The following XKR4 variants were observed in gnomAD, a reference collection of about 807,000 sequenced individuals.
XKR4 encodes the protein XK related 4, also known as XK-related protein 4.
XKR4 carries 12 observed loss-of-function variants against 53.9 expected under a neutral mutation model. The ratio of observed to expected loss-of-function variants is 0.22; its 90% confidence interval spans 0.14 to 0.36. The LOEUF is 0.36. XKR4 is among the 10% of genes least tolerant of loss of function. The pLI, the probability that XKR4 is intolerant of heterozygous loss-of-function variation, is 1.00. For synonymous variants in XKR4, 354 were observed against 362.4 expected (o/e 0.98, Z 0.26); for missense variants, 799 against 859.5 (o/e 0.93, Z 0.88).
intron 1 of XKR4, among the ~76,000 whole-genome samples, chr8:55,194,131 C>T (rs565773445): frequency 1.3e-4 from 20 of 152,288 alleles, no homozygotes; most frequent in African/African-American, 4.6e-4. Flanking sequence ...TAACTAAATG[C>T]CAGGTTGGAT....
At chr8:55,272,079 G>A (rs919600384) in intron 1 of XKR4, among the ~76,000 whole-genome samples, 1 of 152,178 alleles carries the variant, frequency 6.6e-6, no homozygotes, top group Non-Finnish European at 1.5e-5. Context: ...GTGGATGGTG[G>A]AGAGTTGGGT....
chr8:55,185,135 T>C (rs1273519880), intron 1 of XKR4, among the ~76,000 whole-genome samples: 1 of 152,234 alleles, frequency 6.6e-6, no homozygotes, highest in African/African-American at 2.4e-5. Context: ...AATTTATTTT[T>C]TAATAGCTTG....
chr8:55,430,812 T>C (rs1284342725), intron 2 of XKR4, among the ~76,000 whole-genome samples: 1 of 152,226 alleles, frequency 6.6e-6, no homozygotes, highest in East Asian at 1.9e-4. Flanking sequence ...TCTTCACATG[T>C]CTTCATTCTG....
chr8:55,142,323 G>C (rs1816717395), intron 1 of XKR4: 1 of 371,656 alleles, frequency 2.7e-6, no homozygotes, highest in South Asian at 2.0e-5. Context: ...CAGAGTACTG[G>C]CTGCCTGCCC....
chr8:55,389,053 A>G (rs1463827305), intron 2 of XKR4, among the ~76,000 whole-genome samples: 5 of 152,194 alleles, frequency 3.3e-5, no homozygotes, highest in East Asian at 3.9e-4. Flanking sequence ...AAAAGGGGCA[A>G]TTTGGACACA....
chr8:55,252,671 C>T (rs983523069), intron 1 of XKR4, among the ~76,000 whole-genome samples: 2 of 152,178 alleles, frequency 1.3e-5, no homozygotes, highest in African/African-American at 2.4e-5. Flanking sequence ...TACACTGCCT[C>T]GATGGCCATA....
chr8:55,259,613 G>A (rs763068112), intron 1 of XKR4, among the ~76,000 whole-genome samples: 1 of 152,112 alleles, frequency 6.6e-6, no homozygotes, highest in East Asian at 1.9e-4. Context: ...GTGCGTGAGG[G>A]TGAAGCACAT....
intron 1 of XKR4, among the ~76,000 whole-genome samples, chr8:55,151,372 A>G (rs933917322): frequency 3.5e-4 from 54 of 152,202 alleles, no homozygotes; most frequent in African/African-American, 1.3e-3. Context: ...TCTATCACCA[A>G]CTTCATCTGA....
intron 1 of XKR4, among the ~76,000 whole-genome samples, chr8:55,333,101 T>C (rs1803404501): frequency 6.6e-6 from 1 of 152,164 alleles, no homozygotes; most frequent in Non-Finnish European, 1.5e-5. Flanking sequence ...GATATTCTAA[T>C]TTTGTTGATA....
At chr8:55,194,086 C>T (rs1585930724) in intron 1 of XKR4, among the ~76,000 whole-genome samples, 1 of 152,310 alleles carries the variant, frequency 6.6e-6, no homozygotes, top group East Asian at 1.9e-4. Context: ...TCAGGGCCTG[C>T]TCCATCAGTG....
chr8:55,528,602 T>A lies in XKR4; in HGVS notation c.*4375T>A, dbSNP rs565242857. ...CTGCATTTTTATGTGCTAAGGAGAATTCCTTAAAGCCTTTTTAAAAATAGC... is the reference window on the plus strand; with the variant it reads ...CTGCATTTTTATGTGCTAAGGAGAAATCCTTAAAGCCTTTTTAAAAATAGC... On this transcript the variant is annotated 3_prime_UTR_variant, in exon 3 of 3. Coordinates refer to ENST00000327381, the MANE Select transcript of XKR4 (RefSeq NM_052898.2). 1 of 152,318 alleles carries A rather than the reference T, an allele frequency of 6.6e-6. No individual in the cohort carries two copies. The highest frequency in any genetic ancestry group is 1.9e-4 in the East Asian group (1 of 5,190). 9.4% of individuals were successfully genotyped at this position (152,318 alleles called of 1,614,324 possible). A position where few individuals can be genotyped will look rare whatever the true frequency, so the allele number is the denominator to read the frequency against.
intron 1 of XKR4, among the ~76,000 whole-genome samples, chr8:55,182,463 AT>A (rs1817324039): frequency 6.6e-6 from 1 of 152,094 alleles, no homozygotes; most frequent in African/African-American, 2.4e-5. Flanking sequence ...TATAATCTTT[AT>A]TGTTAGTGTT....
intron 2 of XKR4, among the ~76,000 whole-genome samples, chr8:55,474,122 G>T (rs986388051): frequency 6.6e-6 from 1 of 151,950 alleles, no homozygotes; most frequent in African/African-American, 2.4e-5. Context: ...TGTTACCCAG[G>T]CTGGTCTTGA....
chr8:55,174,961 A>C (rs1234615622), intron 1 of XKR4, among the ~76,000 whole-genome samples: 1 of 152,228 alleles, frequency 6.6e-6, no homozygotes, highest in Non-Finnish European at 1.5e-5. Flanking sequence ...ATGAGAAGAC[A>C]ATCAAAGGAG....
At chr8:55,478,134 T>C (rs1300167856) in intron 2 of XKR4, among the ~76,000 whole-genome samples, 1 of 151,994 alleles carries the variant, frequency 6.6e-6, no homozygotes, top group Non-Finnish European at 1.5e-5. Context: ...GAAAAAATGT[T>C]AAGGGCAGCC....
chr8:55,440,235 A>G (rs903138521), intron 2 of XKR4, among the ~76,000 whole-genome samples: 1 of 152,238 alleles, frequency 6.6e-6, no homozygotes. Context: ...AACATAAAAT[A>G]TGTTGAACTC....
At chr8:55,450,753 C>T (rs954932512) in intron 2 of XKR4, 15 of 580,684 alleles carry the variant, frequency 2.6e-5, no homozygotes, top group Non-Finnish European at 4.6e-5. Context: ...GCAGGTGGAA[C>T]CCCTCCAGCG....
intron 2 of XKR4, among the ~76,000 whole-genome samples, chr8:55,447,053 G>T (rs957299438): frequency 1.4e-5 from 2 of 142,874 alleles, no homozygotes; most frequent in African/African-American, 2.7e-5. Context: ...CTACCTGATT[G>T]GGAAAAAAAA....
chr8:55,449,176 A>ATTTATTTAT (rs1554526546), intron 2 of XKR4, among the ~76,000 whole-genome samples: 6 of 151,576 alleles, frequency 4.0e-5, no homozygotes, highest in Admixed American at 3.3e-4. Flanking sequence ...TTATTTATTT[A>ATTTATTTAT]TTTATTTTAT....
Sources: allele counts gnomAD v4.1 joint callset (sites outside exome capture counted in the v4.1 genomes callset), GRCh38; gene constraint gnomAD v4.1.1; transcripts MANE v1.5; gene names NCBI Gene and HGNC (gene_info 2026-07-23, HGNC 2026-07-21).